BRD7: variants seen among roughly 807,000 people sequenced by gnomAD.
BRD7 encodes the protein bromodomain-containing protein 7.
In BRD7, 15 loss-of-function variants were observed where a neutral mutation model predicts 82.1. That is an observed-to-expected ratio of 0.18 (90% CI 0.12 to 0.28). The LOEUF (loss-of-function observed/expected upper bound fraction) is 0.28. BRD7 is among the 10% of genes least tolerant of loss of function. The pLI, the probability that BRD7 is intolerant of heterozygous loss-of-function variation, is 1.00. For synonymous variants in BRD7, 232 were observed against 266.9 expected, an observed-to-expected ratio of 0.87 and a Z score of 1.27; for missense variants, 638 against 779.9, an observed-to-expected ratio of 0.82 and a Z score of 2.17.
chr16:50,325,622 T>C, intron 11 of BRD7, 126 bp downstream of exon 11: 1 of 849,414 alleles, frequency 1.2e-6, no homozygotes, highest in Non-Finnish European at 1.7e-6. Flanking sequence ...TATTGTCAGC[T>C]TAAAAAAAAA....
chr16:50,334,217 G>A (rs1175649669), intron 7 of BRD7, among the ~76,000 whole-genome samples: 4 of 152,160 alleles, frequency 2.6e-5, no homozygotes, highest in South Asian at 4.2e-4. Flanking sequence ...TGCGGCTGCC[G>A]TCAGCTGCAC....
intron 5 of BRD7, among the ~76,000 whole-genome samples, chr16:50,347,176 T>A (rs1312121041): frequency 6.6e-6 from 1 of 152,186 alleles, no homozygotes; most frequent in Non-Finnish European, 1.5e-5. Context: ...ATTATCTCAA[T>A]AGATGCAGAA....
At chr16:50,328,616 C>G (rs2037435772) in intron 9 of BRD7, 53 bp downstream of exon 9, 4 of 1,506,888 alleles carry the variant, frequency 2.7e-6, no homozygotes, top group Non-Finnish European at 2.7e-6. Context: ...ACCCAGGTTA[C>G]TGTTCTCTGC....
At position 50,368,688 on chromosome 16, in the gene BRD7, C is replaced by A. The variant is rs774227123; in HGVS notation, c.49+38G>T. The stretch of plus-strand genomic sequence containing the variant: ...AAAGAGCGGAAGCCCGGCAGAGCCG[C>A]CGAGGGCCCGCCGCCCGCACCCCGG... On this transcript the variant is annotated intron_variant, in intron 1 of 16. Transcript: ENST00000394688. 2.6e-6 allele frequency: 4 copies of A among 1,543,938 alleles called. No homozygotes were observed. In the East Asian group the frequency reaches 1.1e-4, roughly 42 times the overall value.
intron 11 of BRD7, among the ~76,000 whole-genome samples, chr16:50,324,809 G>A (rs1342072234): frequency 2.0e-5 from 3 of 152,232 alleles, no homozygotes; most frequent in Non-Finnish European, 2.9e-5. Context: ...GCCTTTGCCA[G>A]TGTTGTTCCC....
In BRD7 at chr16:50,320,654, G is replaced by T; in HGVS notation, c.1612+9C>A. 1.2e-6 allele frequency: 2 copies of T among 1,600,942 alleles called. No individual in the cohort carries two copies. Among genetic ancestry groups the T allele is most frequent in the Non-Finnish European group, 1.7e-6 (2 of 1,168,296 alleles). ...CAGTGTTTCAATCAAACCCTCTGGA[G>T]ACACTTACCTTCAGAGTCAAAAACT... On this transcript the variant is annotated intron_variant, in intron 14 of 16. Coordinates refer to ENST00000394688, the MANE Select transcript of BRD7 (RefSeq NM_013263.5).
At chr16:50,345,575 T>C (rs1220789513) in intron 5 of BRD7, among the ~76,000 whole-genome samples, 1 of 152,000 alleles carries the variant, frequency 6.6e-6, no homozygotes, top group Non-Finnish European at 1.5e-5. Flanking sequence ...TGGAGGAAGA[T>C]CTACCAAGCA....
intron 6 of BRD7, among the ~76,000 whole-genome samples, chr16:50,339,571 A>G (rs1433691446): frequency 1.3e-5 from 2 of 152,228 alleles, no homozygotes; most frequent in African/African-American, 2.4e-5. Flanking sequence ...GCAGCGCATG[A>G]CTGTATTTTC....
In BRD7 at chr16:50,354,533, G is replaced by C. The variant is rs764586456; in HGVS notation, c.389-51C>G. 6 of 1,461,420 alleles carry C rather than the reference G, an allele frequency of 4.1e-6. No individual in the cohort carries two copies. In the African/African-American group the frequency reaches 4.2e-5, roughly 10 times the overall value. 90.5% of individuals were successfully genotyped at this position (1,461,420 alleles called of 1,614,324 possible). A position where few individuals can be genotyped will look rare whatever the true frequency, so the allele number is the denominator to read the frequency against. Reference sequence around the variant, plus strand: ...GTATTTTAAAAAGGAGTATTCTAGAGAGTATTATTTACTAGATCATTTTCT... The same window carrying C: ...GTATTTTAAAAAGGAGTATTCTAGACAGTATTATTTACTAGATCATTTTCT... On this transcript the variant is annotated intron_variant, in intron 3 of 16. Transcript: ENST00000394688.
intron 8 of BRD7, among the ~76,000 whole-genome samples, chr16:50,333,101 A>G (rs1419532800): frequency 6.6e-6 from 1 of 152,230 alleles, no homozygotes; most frequent in East Asian, 1.9e-4. Flanking sequence ...ATACCCACGT[A>G]ACAAAATGGT....
intron 5 of BRD7, among the ~76,000 whole-genome samples, chr16:50,341,900 C>T (rs552592474): frequency 6.8e-6 from 1 of 147,962 alleles, no homozygotes; most frequent in South Asian, 2.2e-4. Flanking sequence ...ACTGGTCATT[C>T]AAAAAGCTGA....
chr16:50,345,610 G>A (rs1324579030), intron 5 of BRD7, among the ~76,000 whole-genome samples: 3 of 151,942 alleles, frequency 2.0e-5, no homozygotes, highest in Non-Finnish European at 4.4e-5. Context: ...AAAGGCAGGG[G>A]TTGCAATCCT....
intron 6 of BRD7, among the ~76,000 whole-genome samples, chr16:50,337,744 G>A (rs1251840803): frequency 6.6e-6 from 1 of 152,138 alleles, no homozygotes; most frequent in African/African-American, 2.4e-5. Flanking sequence ...TATTAGAAGA[G>A]TTAACTCAAA....
chr16:50,337,633 A>G (rs1368719023), intron 6 of BRD7, among the ~76,000 whole-genome samples: 1 of 152,192 alleles, frequency 6.6e-6, no homozygotes, highest in Non-Finnish European at 1.5e-5. Context: ...AAAAATGATG[A>G]GTGACTACTC....
intron 8 of BRD7, among the ~76,000 whole-genome samples, chr16:50,329,374 C>T (rs1004592290): frequency 1.3e-5 from 2 of 152,166 alleles, no homozygotes; most frequent in South Asian, 2.1e-4. Flanking sequence ...TTAAAACCAA[C>T]GTGACAGGGA....
In BRD7 at chr16:50,317,622, T is replaced by C. The variant is rs2036863917; in HGVS notation, c.*1589A>G. ...GCACTGTGCTGTGCTCAGATAATAA[T>C]AGTTTGTAAGTAAAAGTTTTTAGTT... On this transcript the variant is annotated 3_prime_UTR_variant, in exon 17 of 17. Coordinates refer to ENST00000394688, the MANE Select transcript of BRD7 (RefSeq NM_013263.5). 1 of 152,372 alleles carries C rather than the reference T, an allele frequency of 6.6e-6. No homozygotes were observed. The highest frequency in any genetic ancestry group is 6.5e-5 in the Admixed American group (1 of 15,286). The allele number at this position is 152,372 out of a possible 1,614,324, so 9.4% of individuals were successfully genotyped here.
intron 5 of BRD7, among the ~76,000 whole-genome samples, chr16:50,343,643 C>A (rs192286795): frequency 6.6e-6 from 1 of 152,184 alleles, no homozygotes; most frequent in Non-Finnish European, 1.5e-5. Flanking sequence ...GCAAATGGCA[C>A]ACCAGATTAT....
chr16:50,363,641 T>TTGTGTGTGTG lies in BRD7; in HGVS notation c.258+4439_258+4448dup, dbSNP rs374792308. Among the ~76,000 whole-genome samples the TTGTGTGTGTG allele has an allele frequency of 4.8e-3, 715 of 149,168 alleles. 3 individuals are homozygous for TTGTGTGTGTG. The highest frequency in any genetic ancestry group is 0.01 in the Middle Eastern group (3 of 294). ...AATTGTAAGGCTTTACGTTGTGTGT[T>TTGTGTGTGTG]TGTGTGTGTGTGTGTGTGTGCGCGC... On this transcript the variant is annotated intron_variant, in intron 2 of 16. Transcript: ENST00000394688.
intron 2 of BRD7, 52 bp downstream of exon 2, chr16:50,368,038 C>A (rs1398129708): frequency 5.7e-6 from 9 of 1,580,172 alleles, no homozygotes; most frequent in Non-Finnish European, 7.8e-6. Context: ...GAGGTTGGCA[C>A]CTGGAAGAGG....
Sources: allele counts gnomAD v4.1 joint callset (sites outside exome capture counted in the v4.1 genomes callset), GRCh38; gene constraint gnomAD v4.1.1; transcripts MANE v1.5; gene names NCBI Gene and HGNC (gene_info 2026-07-23, HGNC 2026-07-21).